GRIN2D: variants seen among roughly 807,000 people sequenced by gnomAD.
GRIN2D encodes the protein glutamate receptor ionotropic, NMDA 2D.
A neutral mutation model predicts 103.2 loss-of-function variants in GRIN2D; 37 were observed. The observed-to-expected ratio is 0.36, with a 90% CI of 0.28 to 0.47. The LOEUF (loss-of-function observed/expected upper bound fraction) is 0.47, where lower values mean the gene tolerates loss of function less well. GRIN2D is among the 20% of genes least tolerant of loss of function. The pLI is 1.00. For missense variants in GRIN2D, 1,557 were observed against 1,910.6 expected, an observed-to-expected ratio of 0.81 and a Z score of 3.45; for synonymous variants, 845 against 885.6, an observed-to-expected ratio of 0.95 and a Z score of 0.81.
intron 4 of GRIN2D, 38 bp from the exon 5 acceptor site, chr19:48,413,953 C>G: frequency 8.4e-7 from 1 of 1,194,962 alleles, no homozygotes; most frequent in Non-Finnish European, 1.3e-6. Flanking sequence ...AGGTCCAGCC[C>G]AGGCCCCAGC....
chr19:48,408,957 G>A (rs1343772590), intron 4 of GRIN2D, among the ~76,000 whole-genome samples: 1 of 152,144 alleles, frequency 6.6e-6, no homozygotes, highest in Non-Finnish European at 1.5e-5. Flanking sequence ...TCTGTTTTGT[G>A]TTGCTATGAC....
At chr19:48,417,100 A>C (rs1490883018) in intron 8 of GRIN2D, among the ~76,000 whole-genome samples, 1 of 152,086 alleles carries the variant, frequency 6.6e-6, no homozygotes, top group Non-Finnish European at 1.5e-5. Context: ...TTAAGTTTTT[A>C]AAATATCCAG....
At chr19:48,430,062 T>G (rs1483229461) in intron 11 of GRIN2D, among the ~76,000 whole-genome samples, 7 of 152,228 alleles carry the variant, frequency 4.6e-5, no homozygotes, top group African/African-American at 1.7e-4. Context: ...TACTCTTATT[T>G]AAATCAATTC....
chr19:48,432,359 T>C (rs1971168314), intron 11 of GRIN2D, among the ~76,000 whole-genome samples: 2 of 151,586 alleles, frequency 1.3e-5, no homozygotes, highest in African/African-American at 4.8e-5. Context: ...TGGCCATTGA[T>C]CTGTTTCCGT....
intron 11 of GRIN2D, among the ~76,000 whole-genome samples, chr19:48,431,890 T>C (rs560095706): frequency 5.4e-5 from 8 of 148,894 alleles, no homozygotes; most frequent in Non-Finnish European, 8.9e-5. Flanking sequence ...CGGCCTGCTT[T>C]CCTTTCTTTT....
At chr19:48,398,042 TCTGTCTCTGC>T (rs1487430478) in intron 2 of GRIN2D, among the ~76,000 whole-genome samples, 10 of 150,022 alleles carry the variant, frequency 6.7e-5, no homozygotes, top group Admixed American at 6.6e-4. Context: ...TGTCTCTCCC[TCTGTCTCTGC>T]CTGTCTCTCC....
chr19:48,443,215 C>G lies in GRIN2D; in HGVS notation c.3289C>G (p.Arg1097Gly). Residue 1097 changes from arginine (R) to glycine (G), a missense_variant, in exon 14 of 14, where the codon CGC (arginine) becomes GGC (glycine). Physicochemically the swap from Arg to Gly is moderately radical, Grantham distance 125. Around this residue, in one of 7 missense-constraint regions of GRIN2D, gnomAD observed 632 missense variants for 572.8 expected, o/e 1.10. Coordinates refer to ENST00000263269, the MANE Select transcript of GRIN2D (RefSeq NM_000836.4). The surrounding 1 kb of genome is among the most constrained non-coding windows in gnomAD (Gnocchi z 8.9). ...GGAPAAPPPC[R>G]AAPPPCPYLD... ...AGCCCCGGCCGCTCCGCCCCCGTGCCGCGCCGCGCCGCCCCCGTGCCCTTA... is the reference window on the plus strand; with the variant it reads ...AGCCCCGGCCGCTCCGCCCCCGTGCGGCGCCGCGCCGCCCCCGTGCCCTTA... 7.8e-7 allele frequency: 1 copy of G among 1,288,914 alleles called. No homozygotes were observed. The highest frequency in any genetic ancestry group is 3.3e-5 in the East Asian group (1 of 30,094). 79.8% of individuals were successfully genotyped at this position (1,288,914 alleles called of 1,614,324 possible).
At position 48,416,002 on chromosome 19, in the gene GRIN2D, G is replaced by A; in HGVS notation, c.1582G>A (p.Val528Met). 6.2e-7 allele frequency: 1 copy of A among 1,613,174 alleles called. No homozygotes were observed. The highest frequency in any genetic ancestry group is 8.5e-7 in the Non-Finnish European group (1 of 1,179,666). ...DGVWNGMIGEVFYQRADMAIG... is the reference protein window; with the variant it reads ...DGVWNGMIGEMFYQRADMAIG... The stretch of plus-strand genomic sequence containing the variant: ...CCACTCCTCATCGCCCCCACCCCAG[G>A]TGTTCTACCAGCGCGCAGACATGGC... Residue 528 changes from valine (V) to methionine (M), a missense_variant and splice_region_variant, in exon 8 of 14, where the codon GTG becomes ATG. By Grantham distance (21) the Val-to-Met change is conservative. Coordinates refer to ENST00000263269, the MANE Select transcript of GRIN2D (RefSeq NM_000836.4).
intron 11 of GRIN2D, among the ~76,000 whole-genome samples, chr19:48,423,003 G>A (rs764817189): frequency 6.6e-6 from 1 of 152,110 alleles, no homozygotes; most frequent in Non-Finnish European, 1.5e-5. Context: ...TTGAGGTCAG[G>A]AGTTTGAGAA....
chr19:48,419,223 C>T lies in GRIN2D; in HGVS notation c.1736-11C>T. ...TGGCTGAGCCATAACCACGCACTCC[C>T]TTGTCCCCAGAGCCCTACAGCCCCG... On this transcript the variant is annotated splice_polypyrimidine_tract_variant and intron_variant, in intron 8 of 13. Transcript: ENST00000263269. The T allele has an allele frequency of 6.2e-7, 1 of 1,601,148 alleles. No homozygotes were observed. The highest frequency in any genetic ancestry group is 2.2e-5 in the East Asian group (1 of 44,736).
chr19:48,428,056 T>C (rs1182719451), intron 11 of GRIN2D, among the ~76,000 whole-genome samples: 1 of 149,980 alleles, frequency 6.7e-6, no homozygotes, highest in Non-Finnish European at 1.5e-5. Flanking sequence ...TTTTTTTTTT[T>C]TTTTTTGAGA....
rs186694603 is a variant in GRIN2D at position 48,410,402 on chromosome 19, C to T, written c.1086-3589C>T. On this transcript the variant is annotated intron_variant, in intron 4 of 13. Coordinates refer to ENST00000263269, the MANE Select transcript of GRIN2D (RefSeq NM_000836.4). ...AATTAGCTGGACATGGTGGTGCACG[C>T]CTGTAATCCCAGCTACTCGGGAGGC... is the stretch of plus-strand genomic sequence containing the variant. 4.4e-3 allele frequency among the ~76,000 whole-genome samples: 661 copies of T among 151,784 alleles called. 8 individuals carry two copies. The highest frequency in any genetic ancestry group is 0.015 in the African/African-American group (616 of 41,400).
chr19:48,406,975 T>G (rs1325792914), intron 4 of GRIN2D, among the ~76,000 whole-genome samples: 1 of 146,920 alleles, frequency 6.8e-6, no homozygotes, highest in Non-Finnish European at 1.5e-5. Flanking sequence ...TTTCTTTCTT[T>G]TTCCTTTTTC....
chr19:48,399,409 T>C (rs556907279), intron 3 of GRIN2D, among the ~76,000 whole-genome samples: 10 of 151,966 alleles, frequency 6.6e-5, no homozygotes, highest in African/African-American at 2.4e-4. Context: ...CTCTACTAAA[T>C]ATACAAAAAT....
intron 11 of GRIN2D, among the ~76,000 whole-genome samples, chr19:48,428,439 C>T (rs1360755818): frequency 6.6e-6 from 1 of 151,130 alleles, no homozygotes; most frequent in South Asian, 2.1e-4. Flanking sequence ...CGGCTCACTG[C>T]AACCTCCACC....
In GRIN2D at chr19:48,441,909, G is replaced by C. The variant is rs371691127; in HGVS notation, c.2393G>C (p.Arg798Pro). The C allele has an allele frequency of 1.2e-6, 2 of 1,612,006 alleles. No individual in the cohort carries two copies. The highest frequency in any genetic ancestry group is 1.7e-6 in the Non-Finnish European group (2 of 1,179,724). Residue 798 changes from arginine to proline, a missense_variant, in exon 12 of 14, where the codon CGC becomes CCC. This residue lies in a region of GRIN2D where 138 missense variants were observed against 270.2 expected (regional missense o/e 0.51). Transcript: ENST00000263269. ...GYGIALHKGS[R>P]WKRPIDLALL... ...GGCATCGCCCTGCACAAGGGCTCCC[G>C]CTGGAAGCGGCCCATCGACCTGGCG...
Position 48,405,063 on chromosome 19 carries a change from C to T in GRIN2D, c.795C>T (p.Leu265=). The T allele has an allele frequency of 2.5e-6, 4 of 1,606,876 alleles. No individual in the cohort carries two copies. Among genetic ancestry groups the T allele is most frequent in the Non-Finnish European group, 3.4e-6 (4 of 1,176,558 alleles). Residue 265 remains leucine (L), a synonymous_variant, in exon 4 of 14, where the codon CTC becomes CTT. Coordinates refer to ENST00000263269, the MANE Select transcript of GRIN2D (RefSeq NM_000836.4). The surrounding 1 kb of genome is among the most constrained non-coding windows in gnomAD (Gnocchi z 5.1). ...PVFRAAEEAG[L]TGSGYVWFMV... is the part of the protein sequence containing the mutation. ...TCCGCGCAGCTGAGGAGGCTGGCCT[C>T]ACTGGATCTGGCTACGTCTGGTTCA...
chr19:48,443,000 C>G lies in GRIN2D; in HGVS notation c.3074C>G (p.Pro1025Arg). The change falls in exon 14 of 14, where the codon CCC becomes CGC. Residue 1025 changes from proline to arginine, a missense_variant. Pro to Arg is a moderately radical substitution (Grantham distance 103, BLOSUM62 -2). Coordinates refer to ENST00000263269, the MANE Select transcript of GRIN2D (RefSeq NM_000836.4). This position sits in a 1 kb window ranked among gnomAD's most constrained non-coding sequence, Gnocchi z 7.2. ...GCCGAGCCCCCCGCCGGCGCCTTCC[C>G]CGGCTTCCCGTCGCCGCCCGCGCCC... ...EPAEPPAGAF[P>R]GFPSPPAPPA... 2 of 1,094,866 alleles carry G rather than the reference C, an allele frequency of 1.8e-6. No individual in the cohort carries two copies. The highest frequency in any genetic ancestry group is 2.2e-6 in the Non-Finnish European group (2 of 898,908). The allele number at this position is 1,094,866 out of a possible 1,614,324, so 67.8% of individuals were successfully genotyped here.
chr19:48,403,223 A>AG (rs1380327408), intron 3 of GRIN2D, among the ~76,000 whole-genome samples: 2 of 118,254 alleles, frequency 1.7e-5, no homozygotes, highest in Non-Finnish European at 3.5e-5. Context: ...AAAAAAAAAA[A>AG]GGCTGGAGGA....
Sources: allele counts gnomAD v4.1 joint callset (sites outside exome capture counted in the v4.1 genomes callset), GRCh38; gene constraint gnomAD v4.1.1; regional missense constraint gnomAD v4.1.1; non-coding constraint Gnocchi (gnomAD v3.1); transcripts MANE v1.5; gene names NCBI Gene and HGNC (gene_info 2026-07-23, HGNC 2026-07-21).